Variants in ACACA observed in about 807,000 individuals in gnomAD.
The protein encoded by ACACA is acetyl-CoA carboxylase 1.
A neutral mutation model predicts 296.1 loss-of-function variants in ACACA; 103 were observed. That is an observed-to-expected ratio of 0.35 (90% CI 0.30 to 0.41). The LOEUF (loss-of-function observed/expected upper bound fraction) is 0.41, where lower values mean the gene tolerates loss of function less well. Ranked by LOEUF, ACACA falls within the 10% of genes least tolerant of loss-of-function variation. The probability of loss-of-function intolerance (pLI) is 1.00; values close to 1 mark genes in which losing one functional copy is unlikely to be tolerated. For synonymous variants in ACACA, 953 were observed against 1,038.6 expected (o/e 0.92, Z 1.58); for missense variants, 1,554 against 2,989.7 (o/e 0.52, Z 11.20).
chr17:37,120,033 A>G (rs2143011052), intron 50 of ACACA, among the ~76,000 whole-genome samples: 1 of 147,152 alleles, frequency 6.8e-6, no homozygotes, highest in East Asian at 2.1e-4. Context: ...GCTAGGGATT[A>G]TAGGCATGCA....
chr17:37,402,587 G>A (rs1279206438), intron 1 of ACACA, among the ~76,000 whole-genome samples: 5 of 152,134 alleles, frequency 3.3e-5, no homozygotes, highest in African/African-American at 1.2e-4. Flanking sequence ...AGAAATTATG[G>A]TCACCCTACT....
At chr17:37,393,736 AGAGGCT>A (rs2050977091) in intron 1 of ACACA, among the ~76,000 whole-genome samples, 1 of 151,876 alleles carries the variant, frequency 6.6e-6, no homozygotes, top group African/African-American at 2.4e-5. Flanking sequence ...CAGCTACTCC[AGAGGCT>A]GAGGCACAAG....
chr17:37,267,387 C>T (rs2081834827), intron 10 of ACACA, among the ~76,000 whole-genome samples: 1 of 152,222 alleles, frequency 6.6e-6, no homozygotes, highest in Admixed American at 6.5e-5. Context: ...ACCTCTCCTT[C>T]TCTAGTAGGC....
intron 1 of ACACA, among the ~76,000 whole-genome samples, chr17:37,380,884 CCG>C (rs1191917664): frequency 2.1e-3 from 311 of 151,000 alleles, no homozygotes; most frequent in Middle Eastern, 6.8e-3. Context: ...GCGTGAGCCA[CCG>C]TGCCTGGCCA....
chr17:37,197,442 G>A (rs2078053397), intron 35 of ACACA, among the ~76,000 whole-genome samples: 1 of 152,190 alleles, frequency 6.6e-6, no homozygotes, highest in South Asian at 2.1e-4. Flanking sequence ...GGATTCCACA[G>A]CATTGGACAG....
intron 45 of ACACA, among the ~76,000 whole-genome samples, chr17:37,133,689 G>A (rs1597920750): frequency 1.3e-5 from 2 of 152,304 alleles, no homozygotes; most frequent in South Asian, 4.1e-4. Flanking sequence ...CGCATTTCTT[G>A]CCGTGTTTCA....
intron 3 of ACACA, among the ~76,000 whole-genome samples, chr17:37,306,711 T>C (rs1382962708): frequency 1.3e-5 from 2 of 152,054 alleles, no homozygotes; most frequent in Non-Finnish European, 2.9e-5. Context: ...ATTTTTTTTT[T>C]TGCAATGGAG....
At chr17:37,328,809 G>A (rs2047731460) in intron 3 of ACACA, 4 of 398,212 alleles carry the variant, frequency 1.0e-5, no homozygotes, top group Admixed American at 4.4e-5. Flanking sequence ...TAATCTGAAT[G>A]CTGGCTGTAC....
At position 37,247,468 on chromosome 17, in the gene ACACA, C is replaced by T. The variant is rs374667176; in HGVS notation, c.2310-492G>A. On this transcript the variant is annotated intron_variant, in intron 18 of 55. Transcript: ENST00000616317. ...CCGCAACCTCCACCTCCCAGGTTCA[C>T]GTGATTCTCCTGCCTCTGCCTCCCA... 9.9e-5 allele frequency among the ~76,000 whole-genome samples: 15 copies of T among 152,044 alleles called. No individual in the cohort carries two copies. In the East Asian group the frequency reaches 1.4e-3, roughly 14 times the overall value.
At chr17:37,194,739 CCTTAACTAAAG>C (rs1160690173) in intron 35 of ACACA, among the ~76,000 whole-genome samples, 1 of 152,186 alleles carries the variant, frequency 6.6e-6, no homozygotes, top group Admixed American at 6.5e-5. Context: ...CTCACTCTCA[CCTTAACTAAAG>C]CTTGCACAGT....
At position 37,145,037 on chromosome 17, in the gene ACACA, C is replaced by T. The variant is rs2143947213; in HGVS notation, c.5679+4827G>A. Among the ~76,000 whole-genome samples, 3 of 152,286 alleles carry T rather than the reference C, an allele frequency of 2.0e-5. No individual in the cohort carries two copies. In the South Asian group the frequency reaches 6.2e-4, roughly 32 times the overall value. ...GGGCAATGGATTGAGAGCTAGTAGG[C>T]TCCAGTACACATCAGTGTTCCTTTA... is the stretch of plus-strand genomic sequence containing the variant. On this transcript the variant is annotated intron_variant, in intron 45 of 55. Coordinates refer to ENST00000616317, the MANE Select transcript of ACACA (RefSeq NM_198834.3).
chr17:37,339,650 T>C (rs1480038908), intron 2 of ACACA, among the ~76,000 whole-genome samples, 154 bp downstream of exon 2: 1 of 152,250 alleles, frequency 6.6e-6, no homozygotes, highest in East Asian at 1.9e-4. Flanking sequence ...GTACCATTGT[T>C]AGACTCTTTG....
chr17:37,121,053 C>A (rs2074502981), intron 50 of ACACA, among the ~76,000 whole-genome samples: 2 of 152,162 alleles, frequency 1.3e-5, no homozygotes, highest in African/African-American at 2.4e-5. Context: ...GGGACAGAGT[C>A]ACAATCATAT....
chr17:37,252,965 T>C lies in ACACA; in HGVS notation c.1898A>G (p.Lys633Arg). The change falls in exon 15 of 56, where the codon AAA (lysine) becomes AGA (arginine). Residue 633 changes from lysine (K) to arginine (R), a missense_variant. This residue lies in a region of ACACA where 35 missense variants were observed against 139.4 expected (regional missense o/e 0.25). Transcript: ENST00000616317. ...CTGAAAGCTTTCAGTCTCTAACAAT[T>C]TGATCAGGTATTCAACTGTAGTTCG... ...DFRTTVEYLI[K>R]LLETESFQMN... 1 of 1,614,202 alleles carries C rather than the reference T, an allele frequency of 6.2e-7. No homozygotes were observed. The highest frequency in any genetic ancestry group is 8.5e-7 in the Non-Finnish European group (1 of 1,180,034).
chr17:37,201,536 C>T (rs1354045016), intron 33 of ACACA, among the ~76,000 whole-genome samples: 1 of 151,892 alleles, frequency 6.6e-6, no homozygotes, highest in Non-Finnish European at 1.5e-5. Context: ...ATACTGTTCA[C>T]TTGCTTCAAA....
chr17:37,235,678 G>A (rs908328967), intron 24 of ACACA, among the ~76,000 whole-genome samples: 1 of 152,140 alleles, frequency 6.6e-6, no homozygotes. Flanking sequence ...TGAGAAGTGT[G>A]ACTGCTACCC....
chr17:37,136,185 G>A (rs1374750805), intron 45 of ACACA, among the ~76,000 whole-genome samples: 1 of 152,002 alleles, frequency 6.6e-6, no homozygotes, highest in Non-Finnish European at 1.5e-5. Flanking sequence ...AAGATAGAGA[G>A]CATTTTCATC....
At chr17:37,241,617 G>C (rs2080409746) in intron 23 of ACACA, among the ~76,000 whole-genome samples, 1 of 152,048 alleles carries the variant, frequency 6.6e-6, no homozygotes, top group Non-Finnish European at 1.5e-5. Context: ...GAAACAGGAG[G>C]ATCACCTGAG....
chr17:37,244,955 T>A, intron 20 of ACACA, 125 bp downstream of exon 20: 6 of 1,450,150 alleles, frequency 4.1e-6, no homozygotes, highest in South Asian at 3.4e-5. Flanking sequence ...ATACAAGGCA[T>A]AAGATTAATA....
Sources: allele counts gnomAD v4.1 joint callset (sites outside exome capture counted in the v4.1 genomes callset), GRCh38; gene constraint gnomAD v4.1.1; regional missense constraint gnomAD v4.1.1; transcripts MANE v1.5; gene names NCBI Gene and HGNC (gene_info 2026-07-23, HGNC 2026-07-21).